Variants in CEP41 observed in about 807,000 individuals in gnomAD.
The protein encoded by CEP41 is centrosomal protein of 41 kDa.
In CEP41, 32 loss-of-function variants were observed where a neutral mutation model predicts 44.3. The ratio of observed to expected loss-of-function variants is 0.72; its 90% confidence interval spans 0.54 to 0.97. The LOEUF (loss-of-function observed/expected upper bound fraction) is 0.97. Among genes scored for constraint, CEP41 ranks in the 50% least tolerant of loss-of-function variants. CEP41 has a pLI of 0.00. For missense variants in CEP41, 432 were observed against 455.2 expected (o/e 0.95, Z 0.46); for synonymous variants, 151 against 168.5 (o/e 0.90, Z 0.80).
At chr7:130,419,271 G>C (rs986889511) in intron 2 of CEP41, 2 of 985,190 alleles carry the variant, frequency 2.0e-6, no homozygotes, top group South Asian at 4.7e-5. Flanking sequence ...CAAGAATGGG[G>C]AAAAAAGGAG....
At chr7:130,399,211 AGCCTGAAGGTGGGGAG>A in intron 10 of CEP41, 172 bp from the exon 11 acceptor site, 1 of 745,408 alleles carries the variant, frequency 1.3e-6, no homozygotes, top group South Asian at 1.7e-5. Flanking sequence ...CCTTGAGATC[AGCCTGAAGGTGGGGAG>A]GGGGACAGAA....
chr7:130,399,868 T>A, intron 10 of CEP41, 171 bp downstream of exon 10: 2 of 646,188 alleles, frequency 3.1e-6, no homozygotes, highest in South Asian at 3.5e-5. Context: ...CTTCAATGCG[T>A]AATTCTTGCC....
At chr7:130,439,956 C>T (rs184086696) in intron 1 of CEP41, among the ~76,000 whole-genome samples, 31 of 152,322 alleles carry the variant, frequency 2.0e-4, no homozygotes, top group Non-Finnish European at 8.8e-5. Flanking sequence ...TAACATCTTG[C>T]TCCCCGACCA....
At chr7:130,411,343 C>A (rs957249622) in intron 4 of CEP41, 152 bp from the exon 5 acceptor site, 1 of 706,298 alleles carries the variant, frequency 1.4e-6, no homozygotes, top group African/African-American at 1.7e-5. Context: ...GAATCTCAGG[C>A]CTCCTTCCTT....
rs1554427512 is a variant in CEP41, at chr7:130,440,915, G to A, written c.33+19C>T. ...TGCGCCCGCCCCCTCCGGCTCTCCG[G>A]CCGAGACCTGGCCCTCACCTCAGGG... On this transcript the variant is annotated intron_variant, in intron 1 of 10. Coordinates refer to ENST00000223208, the MANE Select transcript of CEP41 (RefSeq NM_018718.3). The A allele has an allele frequency of 1.2e-6, 2 of 1,610,712 alleles. No homozygotes were observed. Among genetic ancestry groups the A allele is most frequent in the Admixed American group, 1.7e-5 (1 of 60,034 alleles).
In CEP41 at chr7:130,393,909, A is replaced by C. The variant is rs1454411310; in HGVS notation, c.*4982T>G. 1 of 454,006 alleles carries C rather than the reference A, an allele frequency of 2.2e-6. No homozygotes were observed. The highest frequency in any genetic ancestry group is 2.0e-5 in the African/African-American group (1 of 50,004). The allele number at this position is 454,006 out of a possible 1,614,324, so 28.1% of individuals were successfully genotyped here. On this transcript the variant is annotated 3_prime_UTR_variant, in exon 11 of 11. Transcript: ENST00000223208. ...TTGCAAGGTGTCCATTAACAGACAA[A>C]ATAACCTCGGAAGCCCTGGAGCACC...
chr7:130,427,821 C>A (rs1264228612), intron 2 of CEP41, 134 bp downstream of exon 2: 1 of 645,654 alleles, frequency 1.5e-6, no homozygotes, highest in Admixed American at 2.5e-5. Context: ...AGGATAAATC[C>A]TGAGCCGAGA....
At chr7:130,417,332 C>A (rs1253432897) in intron 2 of CEP41, 2 of 1,097,622 alleles carry the variant, frequency 1.8e-6, no homozygotes, top group African/African-American at 1.7e-5. Flanking sequence ...GGAAGATACA[C>A]AGAAGAGGAG....
chr7:130,400,810 A>G lies in CEP41; in HGVS notation c.654T>C (p.His218=). ...CGTCATACAGAATGATGATCTTGCC[A>G]TGGGCATTTTTCTAAGAGTCAGATG... ...SNDILEYKNA[H]GKIIILYDDD... is the part of the protein sequence containing the mutation. Residue 218 remains histidine (H), a synonymous_variant, in exon 9 of 11, where the codon CAT becomes CAC. Transcript: ENST00000223208. 6.2e-7 allele frequency: 1 copy of G among 1,610,418 alleles called. No homozygotes were observed. Among genetic ancestry groups the G allele is most frequent in the South Asian group, 1.1e-5 (1 of 90,164 alleles).
intron 1 of CEP41, 135 bp downstream of exon 1, chr7:130,440,799 A>T (rs1179524216): frequency 1.2e-5 from 3 of 257,082 alleles, no homozygotes; most frequent in Non-Finnish European, 2.2e-5. Context: ...CCGCCCCTGC[A>T]TCCCGACCCC....
intron 1 of CEP41, among the ~76,000 whole-genome samples, chr7:130,432,390 G>C (rs142032978): frequency 2.2e-4 from 34 of 152,192 alleles, no homozygotes; most frequent in African/African-American, 8.2e-4. Flanking sequence ...AGTTGAGGAA[G>C]CACATATTAA....
At chr7:130,407,513 C>A (rs1440917088) in intron 5 of CEP41, among the ~76,000 whole-genome samples, 5 of 151,816 alleles carry the variant, frequency 3.3e-5, no homozygotes, top group Non-Finnish European at 7.4e-5. Context: ...GCACTACAAC[C>A]AGAACAATGG....
chr7:130,439,781 C>T (rs1554427064), intron 1 of CEP41, among the ~76,000 whole-genome samples: 1 of 152,004 alleles, frequency 6.6e-6, no homozygotes, highest in Non-Finnish European at 1.5e-5. Flanking sequence ...GCAGAGAAAG[C>T]CTGGACTCCT....
chr7:130,428,146 G>T, intron 1 of CEP41, 128 bp from the exon 2 acceptor site: 1 of 707,578 alleles, frequency 1.4e-6, no homozygotes, highest in Non-Finnish European at 2.5e-6. Flanking sequence ...AGATGGTGCC[G>T]GGCATGGTGG....
chr7:130,417,791 G>T (rs528586736), intron 2 of CEP41, among the ~76,000 whole-genome samples: 1 of 152,322 alleles, frequency 6.6e-6, no homozygotes, highest in South Asian at 2.1e-4. Flanking sequence ...ATGGCAAAAG[G>T]AAAACATTCA....
rs117158727 is a variant in CEP41, at chr7:130,417,320, G to A, written c.98-354C>T. The A allele has an allele frequency of 3.2e-4, 356 of 1,112,020 alleles. 2 individuals are homozygous for A. The East Asian group carries it at 0.022, about 70-fold the overall frequency. 68.9% of individuals were successfully genotyped at this position (1,112,020 alleles called of 1,614,324 possible). ...CTGCCCCCGCTGACGATCTTTTTGT[G>A]GGGAAGATACACAGAAGAGGAGCAA... On this transcript the variant is annotated intron_variant, in intron 2 of 10. Coordinates refer to ENST00000223208, the MANE Select transcript of CEP41 (RefSeq NM_018718.3).
At chr7:130,402,566 G>A (rs1161980826) in intron 7 of CEP41, 82 bp downstream of exon 7, 1 of 1,446,838 alleles carries the variant, frequency 6.9e-7, no homozygotes, top group African/African-American at 1.4e-5. Context: ...TCTACCATGG[G>A]CTGTGGTTCC....
intron 3 of CEP41, among the ~76,000 whole-genome samples, chr7:130,415,493 G>A (rs1554420660): frequency 6.6e-6 from 1 of 152,218 alleles, no homozygotes; most frequent in South Asian, 2.1e-4. Context: ...CTCCTACAGA[G>A]GGAAAGTGAA....
intron 1 of CEP41, among the ~76,000 whole-genome samples, chr7:130,437,539 C>T (rs1201856200): frequency 1.3e-5 from 2 of 151,434 alleles, no homozygotes; most frequent in African/African-American, 4.9e-5. Context: ...TTTGGGAGCC[C>T]AAGGCAGGAT....
Sources: allele counts gnomAD v4.1 joint callset (sites outside exome capture counted in the v4.1 genomes callset), GRCh38; gene constraint gnomAD v4.1.1; transcripts MANE v1.5; gene names NCBI Gene and HGNC (gene_info 2026-07-23, HGNC 2026-07-21).